The following CDH13 variants were observed in gnomAD, a reference collection of about 807,000 sequenced individuals.
CDH13 encodes the protein cadherin 13.
A neutral mutation model predicts 63.8 loss-of-function variants in CDH13; 24 were observed. That is an observed-to-expected ratio of 0.38 (90% CI 0.27 to 0.53). The LOEUF (loss-of-function observed/expected upper bound fraction) is 0.53. Among genes scored for constraint, CDH13 ranks in the 20% least tolerant of loss-of-function variants. The probability of loss-of-function intolerance (pLI) is 0.85; values close to 1 mark genes in which losing one functional copy is unlikely to be tolerated. For missense variants in CDH13, 1,049 were observed against 903.1 expected (o/e 1.16, Z -2.07); for synonymous variants, 503 against 355.3 (o/e 1.42, Z -4.67).
At chr16:82,923,493 G>A (rs1343293605) in intron 2 of CDH13, among the ~76,000 whole-genome samples, 1 of 152,208 alleles carries the variant, frequency 6.6e-6, no homozygotes, top group Non-Finnish European at 1.5e-5. Context: ...TCAGGCAAAG[G>A]CCAACTCTTA....
Position 83,797,009 on chromosome 16 carries a change from G to A in CDH13, c.*1979G>A, listed in dbSNP as rs766300404. 2 of 152,190 alleles carry A rather than the reference G, an allele frequency of 1.3e-5. No homozygotes were observed. The highest frequency in any genetic ancestry group is 4.8e-5 in the African/African-American group (2 of 41,436). 9.4% of individuals were successfully genotyped at this position (152,190 alleles called of 1,614,324 possible). A position where few individuals can be genotyped will look rare whatever the true frequency, so the allele number is the denominator to read the frequency against. ...TCATTCTCCACGAGCACATGCCCCC[G>A]ACTCAGGGACAGGGGAATCTAAGCC... On this transcript the variant is annotated 3_prime_UTR_variant, in exon 14 of 14. Coordinates refer to ENST00000567109, the MANE Select transcript of CDH13 (RefSeq NM_001257.5).
At chr16:83,379,936 T>TAGAG (rs71272415) in intron 6 of CDH13, among the ~76,000 whole-genome samples, 6,864 of 91,472 alleles carry the variant, frequency 0.075, 185 homozygotes, top group South Asian at 0.16. Context: ...TATATATATA[T>TAGAG]ATAGAGAGAG....
chr16:83,027,102 A>ACCCCCCCCCCCCCC (rs79185242), intron 2 of CDH13, among the ~76,000 whole-genome samples: 6 of 100,898 alleles, frequency 5.9e-5, no homozygotes, highest in African/African-American at 8.1e-5. Flanking sequence ...CAGAAGGGAG[A>ACCCCCCCCCCCCCC]CCCCCCCCCC....
intron 6 of CDH13, among the ~76,000 whole-genome samples, chr16:83,466,587 C>A (rs188091364): frequency 4.6e-4 from 70 of 152,320 alleles, no homozygotes; most frequent in African/African-American, 1.6e-3. Flanking sequence ...CAACCTTCAT[C>A]AACCCAAAAC....
chr16:83,259,917 G>A (rs1351867545), intron 5 of CDH13, among the ~76,000 whole-genome samples: 2 of 152,044 alleles, frequency 1.3e-5, no homozygotes, highest in Non-Finnish European at 2.9e-5. Context: ...ATTGCTCATC[G>A]TGCAACCAAA....
chr16:83,165,360 G>A (rs1428948226), intron 4 of CDH13, among the ~76,000 whole-genome samples: 12 of 140,508 alleles, frequency 8.5e-5, no homozygotes, highest in Admixed American at 8.3e-4. Context: ...GATATTCTAA[G>A]ATTTGTTGTA....
intron 3 of CDH13, among the ~76,000 whole-genome samples, chr16:83,057,686 G>C (rs2031088294): frequency 6.6e-6 from 1 of 151,802 alleles, no homozygotes; most frequent in Admixed American, 6.6e-5. Context: ...TTTCTTCCTG[G>C]CCATTCCCTT....
intron 6 of CDH13, among the ~76,000 whole-genome samples, chr16:83,462,090 A>G (rs1361808429): frequency 1.3e-5 from 2 of 152,222 alleles, no homozygotes; most frequent in African/African-American, 4.8e-5. Flanking sequence ...AATCGTTTTA[A>G]CAGGGGCCAA....
At chr16:83,486,908 A>T (rs534597950) in intron 7 of CDH13, among the ~76,000 whole-genome samples, 7 of 152,118 alleles carry the variant, frequency 4.6e-5, no homozygotes, top group Non-Finnish European at 7.4e-5. Context: ...TTTCCTCAAC[A>T]GCCACTTATT....
chr16:83,500,704 C>A (rs2074264962), intron 7 of CDH13, among the ~76,000 whole-genome samples: 1 of 149,206 alleles, frequency 6.7e-6, no homozygotes, highest in Admixed American at 6.7e-5. Context: ...TCCTGAGTAG[C>A]TGGGATTACA....
At chr16:83,739,125 AG>A (rs1486550736) in intron 10 of CDH13, among the ~76,000 whole-genome samples, 1 of 152,150 alleles carries the variant, frequency 6.6e-6, no homozygotes, top group Non-Finnish European at 1.5e-5. Flanking sequence ...CCACTCTCTT[AG>A]CTGATAAGAG....
chr16:83,678,685 A>T (rs1468730280), intron 10 of CDH13, among the ~76,000 whole-genome samples: 1 of 152,030 alleles, frequency 6.6e-6, no homozygotes, highest in Non-Finnish European at 1.5e-5. Context: ...AGCCTGGGAG[A>T]AGAGTAGCTT....
rs546285637 is a variant in CDH13, at chr16:83,692,115, A to G, written c.1538+13654A>G. On this transcript the variant is annotated intron_variant, in intron 10 of 13. Transcript: ENST00000567109. ...CTCCCAAACCAAACTGAAGCCAGAG[A>G]AGCGTGCCCTGTGTGTGCAATTACC... is the stretch of plus-strand genomic sequence containing the variant. Among the ~76,000 whole-genome samples the G allele has an allele frequency of 1.9e-4, 29 of 152,296 alleles. 1 individual carries two copies. In the South Asian group the frequency reaches 6.0e-3, roughly 32 times the overall value.
intron 2 of CDH13, among the ~76,000 whole-genome samples, chr16:82,891,727 A>G (rs952752905): frequency 2.0e-5 from 3 of 152,166 alleles, no homozygotes; most frequent in Admixed American, 2.0e-4. Context: ...GTTCTCACCT[A>G]AAGTACACAT....
At chr16:83,667,023 ATGGATGGG>A (rs753860728) in intron 8 of CDH13, among the ~76,000 whole-genome samples, 1,753 of 50,950 alleles carry the variant, frequency 0.034, 10 homozygotes, top group Admixed American at 0.051. Context: ...GGATGGATGG[ATGGATGGG>A]TGGATGGATG....
At chr16:82,665,212 C>T (rs933447910) in intron 1 of CDH13, among the ~76,000 whole-genome samples, 1 of 152,098 alleles carries the variant, frequency 6.6e-6, no homozygotes, top group South Asian at 2.1e-4. Flanking sequence ...GGCAATTTTG[C>T]TGTCAAAATG....
intron 2 of CDH13, among the ~76,000 whole-genome samples, chr16:82,977,556 A>G (rs1313798059): frequency 6.6e-6 from 1 of 152,104 alleles, no homozygotes; most frequent in Non-Finnish European, 1.5e-5. Context: ...CCATGTGAAG[A>G]AGGACATGTT....
At chr16:82,636,362 C>A (rs766711289) in intron 1 of CDH13, among the ~76,000 whole-genome samples, 107 of 151,986 alleles carry the variant, frequency 7.0e-4, no homozygotes, top group Non-Finnish European at 1.4e-3. Flanking sequence ...GTATTGCCAG[C>A]AGATCCAGTC....
At chr16:83,447,658 T>A (rs1428048493) in intron 6 of CDH13, among the ~76,000 whole-genome samples, 1 of 151,934 alleles carries the variant, frequency 6.6e-6, no homozygotes, top group Non-Finnish European at 1.5e-5. Context: ...ATAAACCAAG[T>A]GTGAGAGTAT....
Sources: gnomAD v4.1 joint callset for allele counts (sites outside exome capture counted in the v4.1 genomes callset) on GRCh38, gnomAD v4.1.1 for gene constraint, MANE v1.5 for transcripts, NCBI Gene and HGNC (gene_info 2026-07-23, HGNC 2026-07-21) for gene names.